The following OCA2 variants were observed in gnomAD, a reference collection of about 807,000 sequenced individuals.
OCA2 encodes the protein OCA2 melanosomal transmembrane protein.
A neutral mutation model predicts 100.2 loss-of-function variants in OCA2; 77 were observed. That is an observed-to-expected ratio of 0.77 (90% CI 0.64 to 0.93). The LOEUF (loss-of-function observed/expected upper bound fraction) is 0.93, where lower values mean the gene tolerates loss of function less well. Ranked by LOEUF, OCA2 falls within the 40% of genes least tolerant of loss-of-function variation. The pLI, the probability that OCA2 is intolerant of heterozygous loss-of-function variation, is 0.00. For missense variants in OCA2, 1,062 were observed against 1,089.1 expected, an observed-to-expected ratio of 0.98 and a Z score of 0.35; for synonymous variants, 432 against 439.2, an observed-to-expected ratio of 0.98 and a Z score of 0.21.
In OCA2 at chr15:27,759,944, T is replaced by A. The variant is rs573816742; in HGVS notation, c.2433-4472A>T. On this transcript the variant is annotated intron_variant, in intron 23 of 23. Coordinates refer to ENST00000354638, the MANE Select transcript of OCA2 (RefSeq NM_000275.3). ...AAGAAACATTTAGCAAGACAGATCA[T>A]ATCCTGGACCAAAAAATAAACATCA... is the stretch of plus-strand genomic sequence containing the variant. Among the ~76,000 whole-genome samples the A allele has an allele frequency of 7.9e-5, 12 of 152,270 alleles. No homozygotes were observed. In the East Asian group the frequency reaches 1.7e-3, roughly 22 times the overall value.
intron 19 of OCA2, among the ~76,000 whole-genome samples, chr15:27,874,002 C>T (rs1417139611): frequency 6.6e-6 from 1 of 152,114 alleles, no homozygotes; most frequent in Non-Finnish European, 1.5e-5. Context: ...GGATGTGAAA[C>T]ATCATTAGTC....
chr15:28,099,240 C>T lies in OCA2; in HGVS notation c.-38G>A, dbSNP rs1265266416. 1 of 152,520 alleles carries T rather than the reference C, an allele frequency of 6.6e-6. No individual in the cohort carries two copies. The highest frequency in any genetic ancestry group is 1.5e-5 in the Non-Finnish European group (1 of 68,230). The allele number at this position is 152,520 out of a possible 1,614,324, so 9.4% of individuals were successfully genotyped here. ...GCACTTTACCTGCGCACTTGCAGAT[C>T]TTTCTCCAGGAGTGAGTTTAAGGTC... On this transcript the variant is annotated 5_prime_UTR_variant, in exon 1 of 24. Coordinates refer to ENST00000354638, the MANE Select transcript of OCA2 (RefSeq NM_000275.3).
chr15:27,896,378 C>T, intron 19 of OCA2: 1 of 747,236 alleles, frequency 1.3e-6, no homozygotes, highest in Non-Finnish European at 2.4e-6. Flanking sequence ...ACAGGAAGAA[C>T]AGTGTAACTC....
intron 23 of OCA2, among the ~76,000 whole-genome samples, chr15:27,827,113 A>T (rs867731561): frequency 6.6e-6 from 1 of 152,224 alleles, no homozygotes; most frequent in Admixed American, 6.5e-5. Context: ...AGATCCCACG[A>T]TGTTTTCATC....
chr15:28,030,287 A>G (rs966049772), intron 3 of OCA2, among the ~76,000 whole-genome samples: 1 of 152,162 alleles, frequency 6.6e-6, no homozygotes, highest in South Asian at 2.1e-4. Context: ...AGGCTGGCCA[A>G]CATAACCATA....
the OCA2 span, among the ~76,000 whole-genome samples, chr15:27,730,769 A>ATATATATATG: frequency 1.7e-5 from 1 of 57,468 alleles, no homozygotes; most frequent in African/African-American, 8.2e-5. Flanking sequence ...ATATATATAT[A>ATATATATATG]TATATATATG....
chr15:27,977,682 C>T (rs985715008), intron 14 of OCA2, among the ~76,000 whole-genome samples: 9 of 152,202 alleles, frequency 5.9e-5, no homozygotes, highest in Non-Finnish European at 8.8e-5. Context: ...AGCCCTACCT[C>T]GCCCCCTCAA....
chr15:27,786,750 C>T (rs1294715683), intron 23 of OCA2, among the ~76,000 whole-genome samples: 8 of 151,962 alleles, frequency 5.3e-5, no homozygotes, highest in Admixed American at 2.6e-4. Context: ...AAATAAAAGC[C>T]GTTTTACTTC....
At chr15:27,861,059 G>A (rs926293455) in intron 21 of OCA2, among the ~76,000 whole-genome samples, 6 of 152,218 alleles carry the variant, frequency 3.9e-5, no homozygotes, top group Admixed American at 6.5e-5. Flanking sequence ...GGAACAATAC[G>A]TCTGAAGCTC....
At chr15:27,800,174 C>T (rs1566972832) in intron 23 of OCA2, among the ~76,000 whole-genome samples, 1 of 151,994 alleles carries the variant, frequency 6.6e-6, no homozygotes, top group Non-Finnish European at 1.5e-5. Flanking sequence ...AATGAAAACA[C>T]AACTTATCAG....
At chr15:27,758,797 A>G (rs1248809834) in intron 23 of OCA2, among the ~76,000 whole-genome samples, 2 of 152,194 alleles carry the variant, frequency 1.3e-5, no homozygotes, top group Non-Finnish European at 2.9e-5. Flanking sequence ...AAATGAAAAA[A>G]GACTAAAAAA....
intron 2 of OCA2, among the ~76,000 whole-genome samples, chr15:28,047,135 C>G (rs2043371149): frequency 6.6e-6 from 1 of 152,124 alleles, no homozygotes; most frequent in African/African-American, 2.4e-5. Context: ...ACTTCAGACT[C>G]CCCAAAACAC....
intron 2 of OCA2, among the ~76,000 whole-genome samples, chr15:28,033,557 T>A (rs2042967477): frequency 1.3e-5 from 2 of 152,096 alleles, no homozygotes; most frequent in African/African-American, 4.8e-5. Flanking sequence ...CCAGTGAATA[T>A]CCGCTGGGCG....
In OCA2 at chr15:28,018,700, C is replaced by T. The variant is rs961607942; in HGVS notation, c.647-143G>A. ...CCACGCCCTTGGCCATTAACACGAT[C>T]TTCCTGCCTTTCTTATTACCCACAT... On this transcript the variant is annotated intron_variant, in intron 6 of 23. Transcript: ENST00000354638. 3.6e-5 allele frequency: 27 copies of T among 753,540 alleles called. No homozygotes were observed. The African/African-American group carries it at 3.8e-4, about 11-fold the overall frequency. 46.7% of individuals were successfully genotyped at this position (753,540 alleles called of 1,614,324 possible).
intron 2 of OCA2, among the ~76,000 whole-genome samples, chr15:28,067,832 A>G (rs1049648899): frequency 1.3e-5 from 2 of 152,190 alleles, no homozygotes; most frequent in African/African-American, 4.8e-5. Flanking sequence ...AGTGTTCTGC[A>G]GATGTCTATT....
chr15:28,059,534 C>A (rs2043807154), intron 2 of OCA2, among the ~76,000 whole-genome samples: 1 of 152,176 alleles, frequency 6.6e-6, no homozygotes, highest in Non-Finnish European at 1.5e-5. Context: ...GAGCAAGACC[C>A]TGTCTCAGAA....
chr15:28,033,367 G>T (rs1432799455), intron 2 of OCA2, among the ~76,000 whole-genome samples: 3 of 152,164 alleles, frequency 2.0e-5, no homozygotes, highest in Non-Finnish European at 4.4e-5. Flanking sequence ...TTCTGATCAC[G>T]AATGCACAAC....
At chr15:27,944,390 T>C (rs1376917347) in intron 18 of OCA2, among the ~76,000 whole-genome samples, 5 of 152,196 alleles carry the variant, frequency 3.3e-5, no homozygotes, top group African/African-American at 1.2e-4. Flanking sequence ...CAATTGCATT[T>C]GTAAAGCTAA....
At chr15:28,094,763 C>G (rs2044939047) in intron 1 of OCA2, among the ~76,000 whole-genome samples, 1 of 152,190 alleles carries the variant, frequency 6.6e-6, no homozygotes, top group Non-Finnish European at 1.5e-5. Flanking sequence ...CAGCACCGTT[C>G]TCTCCGAGGC....
Sources: gnomAD v4.1 joint callset for allele counts (sites outside exome capture counted in the v4.1 genomes callset) on GRCh38, gnomAD v4.1.1 for gene constraint, MANE v1.5 for transcripts, NCBI Gene and HGNC (gene_info 2026-07-23, HGNC 2026-07-21) for gene names.